The following NTM variants were observed in gnomAD, a reference collection of about 807,000 sequenced individuals.
The protein encoded by NTM is IgLON family member 2.
A neutral mutation model predicts 42.1 loss-of-function variants in NTM; 13 were observed. That is an observed-to-expected ratio of 0.31 (90% confidence interval 0.20 to 0.49). NTM has a LOEUF of 0.49. NTM is among the 20% of genes least tolerant of loss of function. The probability of loss-of-function intolerance (pLI) is 0.99; values close to 1 mark genes in which losing one functional copy is unlikely to be tolerated. For missense variants in NTM, 373 were observed against 452.8 expected (o/e 0.82, Z 1.60); for synonymous variants, 187 against 179.2 (o/e 1.04, Z -0.35).
At chr11:131,879,164 A>G (rs996358215) in intron 1 of NTM, among the ~76,000 whole-genome samples, 1 of 152,052 alleles carries the variant, frequency 6.6e-6, no homozygotes, top group African/African-American at 2.4e-5. Flanking sequence ...AGCAAACTTC[A>G]TGTGTATTCA....
intron 2 of NTM, among the ~76,000 whole-genome samples, chr11:132,075,251 A>G (rs1004410496): frequency 2.0e-5 from 3 of 152,212 alleles, no homozygotes; most frequent in Non-Finnish European, 2.9e-5. Context: ...CTCCTGTACA[A>G]CATTGTACCT....
intron 1 of NTM, chr11:131,582,361 C>G (rs190946947): frequency 1.3e-5 from 2 of 152,210 alleles, no homozygotes; most frequent in Admixed American, 6.5e-5. Context: ...GGGCCCTCCC[C>G]CTTCCAGAAA....
At chr11:131,572,764 C>T (rs1271313148) in intron 1 of NTM, among the ~76,000 whole-genome samples, 3 of 152,176 alleles carry the variant, frequency 2.0e-5, no homozygotes, top group Non-Finnish European at 2.9e-5. Context: ...CAGGCAGAAG[C>T]TTTTTAAGCT....
At chr11:131,859,210 T>C (rs1371415710) in intron 1 of NTM, among the ~76,000 whole-genome samples, 1 of 152,198 alleles carries the variant, frequency 6.6e-6, no homozygotes, top group Non-Finnish European at 1.5e-5. Flanking sequence ...GTTTATAGAG[T>C]TCACAATTTA....
intron 2 of NTM, among the ~76,000 whole-genome samples, chr11:131,938,072 G>C (rs999737089): frequency 6.6e-6 from 1 of 152,146 alleles, no homozygotes; most frequent in African/African-American, 2.4e-5. Context: ...TGCTTACTAC[G>C]CACTGGACAG....
chr11:132,028,385 G>A (rs4579932), intron 2 of NTM, among the ~76,000 whole-genome samples: 72,790 of 151,870 alleles, frequency 0.48, 18,208 homozygotes, highest in East Asian at 0.83. Context: ...GGATCAAGCT[G>A]TAATTATTGC....
intron 1 of NTM, among the ~76,000 whole-genome samples, chr11:131,820,534 C>T (rs1306198981): frequency 6.6e-6 from 1 of 152,076 alleles, no homozygotes; most frequent in Non-Finnish European, 1.5e-5. Context: ...TATCTACTAC[C>T]TAGATTAATT....
intron 3 of NTM, among the ~76,000 whole-genome samples, chr11:132,154,574 G>A (rs1427785286): frequency 6.6e-6 from 1 of 152,198 alleles, no homozygotes; most frequent in Non-Finnish European, 1.5e-5. Context: ...TGGGTTTTGT[G>A]CTGTCATGGT....
intron 2 of NTM, among the ~76,000 whole-genome samples, chr11:132,123,107 G>T (rs1038589604): frequency 1.3e-5 from 2 of 152,060 alleles, no homozygotes; most frequent in African/African-American, 4.8e-5. Flanking sequence ...CTCCCCCTTT[G>T]CTTCTCTCTC....
intron 2 of NTM, among the ~76,000 whole-genome samples, chr11:132,109,408 G>A (rs10791201): frequency 0.71 from 107,495 of 152,088 alleles, 38,846 homozygotes; most frequent in African/African-American, 0.81. Flanking sequence ...TCCATAAACC[G>A]GGCAGTGGGG....
At position 131,873,708 on chromosome 11, in the gene NTM, TAC is replaced by T. The variant is rs544445496; in HGVS notation, c.83-37845_83-37844del. 7.6e-4 allele frequency among the ~76,000 whole-genome samples: 107 copies of T among 140,942 alleles called. 1 individual carries two copies. Among genetic ancestry groups the T allele is most frequent in the African/African-American group, 2.6e-3 (96 of 36,436 alleles). The allele number at this position is 140,942 out of a possible 152,430, so 92.5% of individuals were successfully genotyped here. ...ATATATATACACACATATATATATA[TAC>T]ACACACACACTTTTAATGTATATAT... On this transcript the variant is annotated intron_variant, in intron 1 of 8. Coordinates refer to ENST00000683400, the MANE Select transcript of NTM (RefSeq NM_001352005.2).
chr11:131,543,844 G>GCAA (rs2053593431), intron 1 of NTM, among the ~76,000 whole-genome samples: 1 of 152,166 alleles, frequency 6.6e-6, no homozygotes, highest in Non-Finnish European at 1.5e-5. Flanking sequence ...TCATCCTTAT[G>GCAA]GCAGGCACAT....
intron 1 of NTM, among the ~76,000 whole-genome samples, chr11:131,439,161 G>T (rs748302937): frequency 3.3e-5 from 5 of 152,152 alleles, no homozygotes; most frequent in Non-Finnish European, 7.3e-5. Context: ...ATTGCTTCCT[G>T]ATCCTTCCTC....
At chr11:132,071,028 A>G in intron 2 of NTM, among the ~76,000 whole-genome samples, 1 of 140,498 alleles carries the variant, frequency 7.1e-6, no homozygotes, top group Non-Finnish European at 1.6e-5. Flanking sequence ...GTTGGTTAAC[A>G]CGTCACTCAG....
intron 2 of NTM, among the ~76,000 whole-genome samples, chr11:131,929,491 C>T (rs1211283750): frequency 6.8e-6 from 1 of 146,414 alleles, no homozygotes; most frequent in Non-Finnish European, 1.5e-5. Context: ...ACTTATTGCC[C>T]TTATAAAAAC....
At chr11:131,911,005 C>G (rs965294493) in intron 1 of NTM, 1 of 1,003,372 alleles carries the variant, frequency 1.0e-6, no homozygotes, top group African/African-American at 1.7e-5. Flanking sequence ...GGCTCCGAAA[C>G]TTACAAAGTG....
intron 1 of NTM, among the ~76,000 whole-genome samples, chr11:131,802,336 C>T (rs1005363285): frequency 6.6e-6 from 1 of 152,186 alleles, no homozygotes; most frequent in African/African-American, 2.4e-5. Flanking sequence ...TTACTTAGGG[C>T]CATTTGCATG....
intron 8 of NTM, chr11:132,332,821 G>A (rs2095825616): frequency 1.3e-5 from 2 of 152,252 alleles, no homozygotes; most frequent in South Asian, 4.1e-4. Context: ...CTCCTCCCTG[G>A]AGGCTTCCAC....
At chr11:131,815,437 C>A (rs952705321) in intron 1 of NTM, among the ~76,000 whole-genome samples, 1 of 152,182 alleles carries the variant, frequency 6.6e-6, no homozygotes, top group Non-Finnish European at 1.5e-5. Context: ...GAGCAGGCAC[C>A]ATCCCTCCTC....
Sources: gnomAD v4.1 joint callset for allele counts (sites outside exome capture counted in the v4.1 genomes callset) on GRCh38, gnomAD v4.1.1 for gene constraint, MANE v1.5 for transcripts, NCBI Gene and HGNC (gene_info 2026-07-23, HGNC 2026-07-21) for gene names.